PPARGC1A: variants seen among roughly 807,000 people sequenced by gnomAD.
PPARGC1A encodes the protein peroxisome proliferator-activated receptor gamma coactivator 1-alpha.
Under a neutral mutation model 88.7 loss-of-function variants are expected in PPARGC1A, and 25 were observed. The ratio of observed to expected loss-of-function variants is 0.28; its 90% CI spans 0.21 to 0.39. The LOEUF is 0.39. Ranked by LOEUF, PPARGC1A falls within the 10% of genes least tolerant of loss-of-function variation. The pLI is 1.00. For synonymous variants in PPARGC1A, 363 were observed against 355.6 expected (o/e 1.02, Z -0.24); for missense variants, 880 against 968.7 (o/e 0.91, Z 1.22).
the PPARGC1A span, among the ~76,000 whole-genome samples, chr4:24,091,803 G>A: frequency 1.3e-5 from 2 of 152,126 alleles, no homozygotes; most frequent in Non-Finnish European, 2.9e-5. Flanking sequence ...AAGCTCCAGG[G>A]CCGGTGGACA....
At chr4:24,108,432 G>A in the PPARGC1A span, among the ~76,000 whole-genome samples, 8 of 152,056 alleles carry the variant, frequency 5.3e-5, no homozygotes, top group African/African-American at 1.9e-4. Flanking sequence ...CTAAGATTAA[G>A]TTCTAATAAT....
At chr4:23,910,273 T>TTATATA in the PPARGC1A span, among the ~76,000 whole-genome samples, 1 of 80,232 alleles carries the variant, frequency 1.2e-5, no homozygotes, top group South Asian at 2.9e-4. Flanking sequence ...TTAATATATA[T>TTATATA]TAACCCTATA....
chr4:24,298,186 G>GAAAAA, the PPARGC1A span, among the ~76,000 whole-genome samples: 1 of 147,874 alleles, frequency 6.8e-6, no homozygotes. Context: ...ATTACCAAAT[G>GAAAAA]AAAAAAAAAA....
chr4:23,831,698 T>C lies in PPARGC1A; in HGVS notation c.288A>G (p.Leu96=). 1.2e-6 allele frequency: 2 copies of C among 1,613,864 alleles called. No homozygotes were observed. The highest frequency in any genetic ancestry group is 1.7e-6 in the Non-Finnish European group (2 of 1,179,752). The change falls in exon 3 of 13, where the codon CTA becomes CTG. Residue 96 remains leucine, a synonymous_variant. Transcript: ENST00000264867. The part of the protein sequence containing the change: ...ANLLAVLTET[L]DSLPVDEDGL... ...CGTCTTCATCCACAGGGAGACTGTC[T>C]AGTGTCTCTGTGAGGACTGCTAGCA...
the PPARGC1A span, among the ~76,000 whole-genome samples, chr4:23,992,283 TATACTATTATTATCA>T: frequency 4.5e-5 from 1 of 22,170 alleles, no homozygotes; most frequent in South Asian, 8.3e-4. Context: ...ATTACTAGTC[TATACTATTATTATCA>T]GATAATATTA....
At chr4:24,385,359 A>G in the PPARGC1A span, among the ~76,000 whole-genome samples, 8 of 152,198 alleles carry the variant, frequency 5.3e-5, no homozygotes, top group African/African-American at 1.2e-4. Flanking sequence ...AAACAAATTC[A>G]AAAGCTAGCA....
chr4:23,980,110 C>T, the PPARGC1A span, among the ~76,000 whole-genome samples: 2 of 151,008 alleles, frequency 1.3e-5, no homozygotes, highest in Non-Finnish European at 2.9e-5. Flanking sequence ...GTAGCTATCC[C>T]GTAGCCTTTC....
At chr4:23,863,287 G>A (rs1731570033) in intron 2 of PPARGC1A, among the ~76,000 whole-genome samples, 2 of 151,970 alleles carry the variant, frequency 1.3e-5, no homozygotes, top group African/African-American at 4.8e-5. Context: ...ACCTTTCTTC[G>A]CTGATGCCAC....
chr4:24,431,088 G>T, the PPARGC1A span, among the ~76,000 whole-genome samples: 16 of 132,270 alleles, frequency 1.2e-4, no homozygotes, highest in African/African-American at 4.3e-4. Context: ...TCACACCGCT[G>T]CACTCCAGCC....
chr4:23,932,598 TG>T, the PPARGC1A span, among the ~76,000 whole-genome samples: 1 of 152,094 alleles, frequency 6.6e-6, no homozygotes, highest in African/African-American at 2.4e-5. Flanking sequence ...AACGAAGTAG[TG>T]TTTTTTTAAA....
At chr4:23,861,015 A>G (rs1731149686) in intron 2 of PPARGC1A, among the ~76,000 whole-genome samples, 1 of 152,210 alleles carries the variant, frequency 6.6e-6, no homozygotes, top group African/African-American at 2.4e-5. Context: ...CTGTTACCAT[A>G]ATACCCTGAT....
the PPARGC1A span, among the ~76,000 whole-genome samples, chr4:24,091,928 TACAC>T: frequency 1.5e-4 from 22 of 147,744 alleles, no homozygotes; most frequent in Admixed American, 6.8e-4. Context: ...CTTGCCCCAA[TACAC>T]ACACACACAC....
chr4:24,346,897 G>A, the PPARGC1A span, among the ~76,000 whole-genome samples: 13 of 152,068 alleles, frequency 8.5e-5, no homozygotes, highest in Non-Finnish European at 1.6e-4. Context: ...ACTTTTTGAT[G>A]TAGCTATTTA....
At chr4:24,164,453 C>T in the PPARGC1A span, among the ~76,000 whole-genome samples, 2 of 152,140 alleles carry the variant, frequency 1.3e-5, no homozygotes, top group East Asian at 3.9e-4. Context: ...GTTATTCCAC[C>T]GGGTTGCCCA....
chr4:24,055,607 T>C, the PPARGC1A span, among the ~76,000 whole-genome samples: 21 of 152,334 alleles, frequency 1.4e-4, no homozygotes, highest in African/African-American at 4.8e-4. Flanking sequence ...GGCAGAAAGA[T>C]TAAGAAAGCT....
At chr4:23,809,361 A>T (rs1042000789) in intron 10 of PPARGC1A, among the ~76,000 whole-genome samples, 7 of 152,194 alleles carry the variant, frequency 4.6e-5, no homozygotes, top group African/African-American at 1.7e-4. Context: ...GATAGCTTTC[A>T]AAATCTTTAG....
At chr4:24,161,995 CA>C in the PPARGC1A span, among the ~76,000 whole-genome samples, 35 of 149,282 alleles carry the variant, frequency 2.3e-4, no homozygotes, top group African/African-American at 6.7e-4. Flanking sequence ...CACACACACA[CA>C]CACACACACA....
chr4:24,082,467 TACTGGGG>T, the PPARGC1A span, among the ~76,000 whole-genome samples: 26 of 152,100 alleles, frequency 1.7e-4, no homozygotes, highest in Non-Finnish European at 2.8e-4. Flanking sequence ...TGGCTCTGTG[TACTGGGG>T]ACTAGCTTAA....
the PPARGC1A span, among the ~76,000 whole-genome samples, chr4:24,055,401 C>T: frequency 1.6e-3 from 246 of 152,204 alleles, no homozygotes; most frequent in Middle Eastern, 3.4e-3. Flanking sequence ...GCCTTAGTTA[C>T]GAACCTTTCT....
Sources: allele counts gnomAD v4.1 joint callset (sites outside exome capture counted in the v4.1 genomes callset), GRCh38; gene constraint gnomAD v4.1.1; transcripts MANE v1.5; gene names NCBI Gene and HGNC (gene_info 2026-07-23, HGNC 2026-07-21).